Variants in CTIF observed in about 807,000 individuals in gnomAD.
The protein encoded by CTIF is CBP80/20-dependent translation initiation factor.
In CTIF, 21 loss-of-function variants were observed where a neutral mutation model predicts 66.0. The observed-to-expected ratio is 0.32, with a 90% CI of 0.23 to 0.46. CTIF has a LOEUF of 0.46. Among genes scored for constraint, CTIF ranks in the 20% least tolerant of loss-of-function variants. CTIF has a pLI of 1.00. For synonymous variants in CTIF, 345 were observed against 326.4 expected, an observed-to-expected ratio of 1.06 and a Z score of -0.62; for missense variants, 739 against 812.7, an observed-to-expected ratio of 0.91 and a Z score of 1.10.
At chr18:48,649,320 G>T (rs1202599114) in intron 3 of CTIF, among the ~76,000 whole-genome samples, 3 of 152,226 alleles carry the variant, frequency 2.0e-5, no homozygotes, top group Non-Finnish European at 4.4e-5. Context: ...TGGCTCAGCG[G>T]GTCCCATGCC....
At chr18:48,665,882 T>G (rs1188387315) in intron 5 of CTIF, among the ~76,000 whole-genome samples, 1 of 152,224 alleles carries the variant, frequency 6.6e-6, no homozygotes, top group Non-Finnish European at 1.5e-5. Flanking sequence ...CTATCAATCC[T>G]TACTTGAGTC....
At chr18:48,790,289 G>C (rs538669231) in intron 9 of CTIF, among the ~76,000 whole-genome samples, 39 of 152,236 alleles carry the variant, frequency 2.6e-4, no homozygotes, top group Non-Finnish European at 5.0e-4. Context: ...GGGTCACTTG[G>C]CTGAAGGTTA....
intron 6 of CTIF, among the ~76,000 whole-genome samples, chr18:48,706,911 T>C (rs923056497): frequency 6.6e-6 from 1 of 152,170 alleles, no homozygotes; most frequent in Admixed American, 6.5e-5. Context: ...CCGGAAGTGG[T>C]CAGATGTTAG....
chr18:48,798,436 C>T (rs1191565548), intron 9 of CTIF, among the ~76,000 whole-genome samples: 1 of 152,176 alleles, frequency 6.6e-6, no homozygotes, highest in African/African-American at 2.4e-5. Context: ...GCTTCCCTAT[C>T]TGTTCTCTAC....
At chr18:48,714,118 G>C (rs569692108) in intron 7 of CTIF, among the ~76,000 whole-genome samples, 2 of 152,174 alleles carry the variant, frequency 1.3e-5, no homozygotes, top group African/African-American at 4.8e-5. Context: ...CCAAAGAGCC[G>C]CTGCAGAATA....
chr18:48,608,444 A>G (rs2090244909), intron 1 of CTIF, among the ~76,000 whole-genome samples: 2 of 150,288 alleles, frequency 1.3e-5, no homozygotes, highest in Admixed American at 1.3e-4. Flanking sequence ...CTGCTTTGTG[A>G]CTGTGCTCCT....
chr18:48,617,227 CTT>C (rs981417561), intron 1 of CTIF, among the ~76,000 whole-genome samples: 1 of 152,226 alleles, frequency 6.6e-6, no homozygotes, highest in Non-Finnish European at 1.5e-5. Context: ...CCATGTGTCT[CTT>C]TTCCTTCAAG....
chr18:48,797,328 C>G (rs919185094), intron 9 of CTIF, among the ~76,000 whole-genome samples: 3 of 152,012 alleles, frequency 2.0e-5, no homozygotes, highest in Non-Finnish European at 2.9e-5. Context: ...ACTAAAAATA[C>G]AAAAATTAGC....
intron 10 of CTIF, among the ~76,000 whole-genome samples, chr18:48,824,111 A>G (rs1210855828): frequency 6.6e-6 from 1 of 152,212 alleles, no homozygotes; most frequent in Non-Finnish European, 1.5e-5. Context: ...TGAAGAGGAA[A>G]TTAGGAAAAC....
At chr18:48,642,621 T>C (rs961807203) in intron 3 of CTIF, among the ~76,000 whole-genome samples, 2 of 152,198 alleles carry the variant, frequency 1.3e-5, no homozygotes, top group African/African-American at 4.8e-5. Context: ...CCCTGTTGTG[T>C]GCCTTGAACT....
chr18:48,855,172 T>C (rs9960271), intron 10 of CTIF, among the ~76,000 whole-genome samples: 43,774 of 152,062 alleles, frequency 0.29, 6,539 homozygotes, highest in Admixed American at 0.35. Flanking sequence ...CCTCGGCATC[T>C]CTCTACAGTG....
At chr18:48,767,661 T>C (rs1441830695) in intron 9 of CTIF, among the ~76,000 whole-genome samples, 4 of 152,182 alleles carry the variant, frequency 2.6e-5, no homozygotes, top group Non-Finnish European at 5.9e-5. Context: ...ACAGCAGGCC[T>C]GTTGTGAAAA....
At chr18:48,664,965 A>G (rs1202095158) in intron 5 of CTIF, among the ~76,000 whole-genome samples, 1 of 138,150 alleles carries the variant, frequency 7.2e-6, no homozygotes, top group Non-Finnish European at 1.5e-5. Flanking sequence ...CGGACTGCGG[A>G]CTGCAGTGGC....
At chr18:48,788,995 G>T (rs530613689) in intron 9 of CTIF, among the ~76,000 whole-genome samples, 9 of 152,172 alleles carry the variant, frequency 5.9e-5, no homozygotes, top group African/African-American at 1.9e-4. Flanking sequence ...GCAGACTCAG[G>T]AGGACGTGTG....
At chr18:48,722,397 A>G (rs956092453) in intron 7 of CTIF, among the ~76,000 whole-genome samples, 1 of 151,544 alleles carries the variant, frequency 6.6e-6, no homozygotes, top group Non-Finnish European at 1.5e-5. Context: ...TTTATTTTTT[A>G]TTTTATAGAG....
intron 6 of CTIF, among the ~76,000 whole-genome samples, chr18:48,684,097 G>A (rs1040437724): frequency 5.9e-5 from 9 of 152,200 alleles, no homozygotes; most frequent in Admixed American, 2.0e-4. Context: ...CTTGCACCTC[G>A]CATGCTTTGT....
intron 9 of CTIF, among the ~76,000 whole-genome samples, chr18:48,791,554 T>G (rs931374841): frequency 7.1e-6 from 1 of 140,230 alleles, no homozygotes; most frequent in African/African-American, 2.6e-5. Context: ...CCCTGGGGGC[T>G]CCCCTTAGTG....
At chr18:48,764,107 T>C (rs951309612) in intron 9 of CTIF, among the ~76,000 whole-genome samples, 5 of 152,118 alleles carry the variant, frequency 3.3e-5, no homozygotes, top group African/African-American at 1.2e-4. Context: ...ACTCTGAGCA[T>C]GCACCTCCCC....
At chr18:48,559,205 A>T (rs972241832) in intron 1 of CTIF, among the ~76,000 whole-genome samples, 7 of 133,810 alleles carry the variant, frequency 5.2e-5, no homozygotes, top group African/African-American at 1.4e-4. Context: ...TACAAATTTT[A>T]AAAAAGTTTG....
Sources: gnomAD v4.1 joint callset for allele counts (sites outside exome capture counted in the v4.1 genomes callset) on GRCh38, gnomAD v4.1.1 for gene constraint, MANE v1.5 for transcripts, NCBI Gene and HGNC (gene_info 2026-07-23, HGNC 2026-07-21) for gene names.